VPS13B: variants seen among roughly 807,000 people sequenced by gnomAD.
VPS13B encodes intermembrane lipid transfer protein VPS13B.
A neutral mutation model predicts 426.4 loss-of-function variants in VPS13B; 285 were observed. The observed-to-expected ratio is 0.67, with a 90% confidence interval of 0.61 to 0.74. The LOEUF is 0.74. VPS13B is among the 30% of genes least tolerant of loss of function. The pLI is 0.00. For missense variants in VPS13B, 4,537 were observed against 4,782.6 expected (o/e 0.95, Z 1.51); for synonymous variants, 1,676 against 1,676.4 (o/e 1.00, Z 0.01).
At chr8:99,214,900 A>C (rs1815301392) in intron 17 of VPS13B, among the ~76,000 whole-genome samples, 1 of 152,214 alleles carries the variant, frequency 6.6e-6, no homozygotes, top group African/African-American at 2.4e-5. Context: ...AGCTTCTCAA[A>C]AGAACTATGC....
At chr8:99,857,633 G>C (rs1816619230) in intron 56 of VPS13B, among the ~76,000 whole-genome samples, 1 of 152,174 alleles carries the variant, frequency 6.6e-6, no homozygotes, top group Non-Finnish European at 1.5e-5. Context: ...GTGAGCAGTT[G>C]GCTTAGTCTC....
chr8:99,169,181 A>G (rs1812185456), intron 15 of VPS13B, among the ~76,000 whole-genome samples: 1 of 151,986 alleles, frequency 6.6e-6, no homozygotes, highest in African/African-American at 2.4e-5. Flanking sequence ...CTAAAGATAA[A>G]TGTTGAGATT....
intron 16 of VPS13B, among the ~76,000 whole-genome samples, chr8:99,184,531 G>C (rs1813112386): frequency 6.6e-6 from 1 of 152,040 alleles, no homozygotes; most frequent in African/African-American, 2.4e-5. Context: ...TTTTATTTTA[G>C]TGGTAGGCAG....
At chr8:99,448,754 A>G (rs1306312551) in intron 23 of VPS13B, among the ~76,000 whole-genome samples, 1 of 152,108 alleles carries the variant, frequency 6.6e-6, no homozygotes, top group Non-Finnish European at 1.5e-5. Context: ...TCCAGCTTTA[A>G]AAAATTTGTG....
intron 34 of VPS13B, among the ~76,000 whole-genome samples, chr8:99,647,266 A>T (rs1017696379): frequency 2.0e-5 from 3 of 152,122 alleles, no homozygotes; most frequent in Non-Finnish European, 4.4e-5. Context: ...TTTACTCTTT[A>T]AAAAGTTTTC....
chr8:99,806,888 G>A (rs141660150), intron 43 of VPS13B, among the ~76,000 whole-genome samples: 2 of 152,254 alleles, frequency 1.3e-5, no homozygotes, highest in South Asian at 2.1e-4. Context: ...ATCCAGTGCC[G>A]CGGGTTCCCA....
chr8:99,326,452 C>CTTGTTTTTTTTT (rs1810267861), intron 19 of VPS13B, among the ~76,000 whole-genome samples: 6 of 32,518 alleles, frequency 1.8e-4, no homozygotes, highest in East Asian at 1.1e-3. Context: ...CTCTAGGTAG[C>CTTGTTTTTTTTT]TTTTTTTTTT....
At chr8:99,458,163 C>T (rs977469438) in intron 23 of VPS13B, among the ~76,000 whole-genome samples, 181 of 124,326 alleles carry the variant, frequency 1.5e-3, no homozygotes, top group Middle Eastern at 4.4e-3. Context: ...TGAGAACATG[C>T]GGTGTTTGGT....
intron 36 of VPS13B, among the ~76,000 whole-genome samples, chr8:99,708,044 C>T (rs576690935): frequency 2.6e-5 from 4 of 152,272 alleles, no homozygotes; most frequent in South Asian, 2.1e-4. Flanking sequence ...GCAGTTTCCT[C>T]GCATAATTCA....
intron 3 of VPS13B, among the ~76,000 whole-genome samples, chr8:99,057,688 C>T (rs1298499142): frequency 1.3e-5 from 2 of 152,112 alleles, no homozygotes; most frequent in Non-Finnish European, 1.5e-5. Context: ...ATAGAATGTT[C>T]CAAACTGAAA....
intron 37 of VPS13B, among the ~76,000 whole-genome samples, chr8:99,719,345 C>T (rs1833045778): frequency 6.6e-6 from 1 of 152,128 alleles, no homozygotes; most frequent in Non-Finnish European, 1.5e-5. Flanking sequence ...CATTCTACTC[C>T]CCGTTTGACT....
chr8:99,282,374 C>A (rs1819214265), intron 19 of VPS13B, among the ~76,000 whole-genome samples: 1 of 152,158 alleles, frequency 6.6e-6, no homozygotes, highest in Admixed American at 6.6e-5. Flanking sequence ...AATATATATA[C>A]TTCTCAGATT....
chr8:99,616,709 C>T (rs2133884997), intron 33 of VPS13B, among the ~76,000 whole-genome samples: 1 of 152,320 alleles, frequency 6.6e-6, no homozygotes, highest in South Asian at 2.1e-4. Flanking sequence ...CCTGTAATCC[C>T]AGCTACTCAG....
At chr8:99,716,446 C>T (rs1336857087) in intron 36 of VPS13B, among the ~76,000 whole-genome samples, 3 of 152,074 alleles carry the variant, frequency 2.0e-5, no homozygotes, top group Non-Finnish European at 4.4e-5. Context: ...TAACTCACCA[C>T]TCTTAACTTT....
intron 3 of VPS13B, among the ~76,000 whole-genome samples, chr8:99,089,370 A>G (rs932760776): frequency 1.3e-5 from 2 of 152,066 alleles, no homozygotes; most frequent in African/African-American, 2.4e-5. Context: ...TTAGAAGTTT[A>G]TTTTGCCAAG....
intron 31 of VPS13B, among the ~76,000 whole-genome samples, chr8:99,561,029 G>A (rs1254949966): frequency 6.6e-6 from 1 of 152,078 alleles, no homozygotes; most frequent in Non-Finnish European, 1.5e-5. Flanking sequence ...ATAATTTATG[G>A]AGATAAATTC....
chr8:99,389,422 C>G (rs917921435), intron 20 of VPS13B, among the ~76,000 whole-genome samples: 2 of 152,034 alleles, frequency 1.3e-5, no homozygotes, highest in Non-Finnish European at 2.9e-5. Context: ...GGTCAAAAAC[C>G]CGTGTATACC....
intron 43 of VPS13B, among the ~76,000 whole-genome samples, chr8:99,784,726 C>T (rs760257442): frequency 1.3e-5 from 2 of 152,042 alleles, no homozygotes; most frequent in Non-Finnish European, 2.9e-5. Flanking sequence ...GAGGCTGACT[C>T]GAGAGCCAGG....
At chr8:99,771,993 C>A (rs1811520906) in intron 40 of VPS13B, among the ~76,000 whole-genome samples, 1 of 152,154 alleles carries the variant, frequency 6.6e-6, no homozygotes, top group Non-Finnish European at 1.5e-5. Flanking sequence ...CCCAGGTTTG[C>A]TTTTGAGGCC....
Sources: gnomAD v4.1 joint callset for allele counts (sites outside exome capture counted in the v4.1 genomes callset) on GRCh38, gnomAD v4.1.1 for gene constraint, MANE v1.5 for transcripts, NCBI Gene and HGNC (gene_info 2026-07-23, HGNC 2026-07-21) for gene names.